RBFOX3: variants seen among roughly 807,000 people sequenced by gnomAD.
The protein encoded by RBFOX3 is RNA binding fox-1 homolog 3.
In RBFOX3, 17 loss-of-function variants were observed where a neutral mutation model predicts 48.7. The observed-to-expected ratio is 0.35, with a 90% CI of 0.24 to 0.52. RBFOX3 has a LOEUF of 0.52. Among genes scored for constraint, RBFOX3 ranks in the 20% least tolerant of loss-of-function variants. The pLI is 0.94. For missense variants in RBFOX3, 382 were observed against 497.5 expected, an observed-to-expected ratio of 0.77 and a Z score of 2.21; for synonymous variants, 212 against 209.5, an observed-to-expected ratio of 1.01 and a Z score of -0.10.
intron 2 of RBFOX3, among the ~76,000 whole-genome samples, chr17:79,378,189 C>T (rs1226188911): frequency 1.3e-5 from 2 of 151,988 alleles, no homozygotes; most frequent in Non-Finnish European, 2.9e-5. Flanking sequence ...TGGAAAGCAC[C>T]GAGCCTCCCC....
At chr17:79,310,935 A>G (rs1207256431) in intron 2 of RBFOX3, among the ~76,000 whole-genome samples, 1 of 152,088 alleles carries the variant, frequency 6.6e-6, no homozygotes, top group East Asian at 1.9e-4. Flanking sequence ...CCTGGGATTC[A>G]GTCCAGCACG....
At chr17:79,549,203 C>G (rs2090876740) in intron 1 of RBFOX3, among the ~76,000 whole-genome samples, 1 of 152,236 alleles carries the variant, frequency 6.6e-6, no homozygotes. Flanking sequence ...TTTCATGAGT[C>G]TCTCTGGGCT....
At position 79,252,030 on chromosome 17, in the gene RBFOX3, T is replaced by C. The variant is rs965848388; in HGVS notation, c.-73-16225A>G. The stretch of plus-strand genomic sequence containing the variant: ...CCTGAGCCAGCCTTGTCTTTCTCCA[T>C]CTCTCAGCAGGGAATGAGTCTGCTG... On this transcript the variant is annotated intron_variant, in intron 3 of 14. Coordinates refer to ENST00000693108, the MANE Select transcript of RBFOX3 (RefSeq NM_001350451.2). This position sits in a 1 kb window ranked among gnomAD's most constrained non-coding sequence, Gnocchi z 4.0. 2.6e-5 allele frequency among the ~76,000 whole-genome samples: 4 copies of C among 152,112 alleles called. No homozygotes were observed. Among genetic ancestry groups the C allele is most frequent in the African/African-American group, 4.8e-5 (2 of 41,422 alleles).
At chr17:79,454,088 G>T (rs1467927150) in intron 2 of RBFOX3, among the ~76,000 whole-genome samples, 2 of 152,074 alleles carry the variant, frequency 1.3e-5, no homozygotes, top group African/African-American at 4.8e-5. Context: ...TGCGCCAGGG[G>T]AGGCAATGCC....
chr17:79,248,152 G>A (rs2063431373), intron 3 of RBFOX3, among the ~76,000 whole-genome samples: 1 of 152,202 alleles, frequency 6.6e-6, no homozygotes, highest in African/African-American at 2.4e-5. Flanking sequence ...AGGAGAGGGA[G>A]GGACGTTTGG....
intron 2 of RBFOX3, among the ~76,000 whole-genome samples, chr17:79,357,276 C>T (rs1038919105): frequency 3.3e-5 from 5 of 152,172 alleles, no homozygotes; most frequent in Middle Eastern, 3.2e-3. Flanking sequence ...TGCCCAAAAA[C>T]GAAACAAAAC....
intron 1 of RBFOX3, among the ~76,000 whole-genome samples, chr17:79,561,643 A>AAGCACCACCC (rs1440617115): frequency 6.6e-6 from 1 of 152,168 alleles, no homozygotes; most frequent in Admixed American, 6.5e-5. Flanking sequence ...CCCTCGAGGC[A>AAGCACCACCC]AGCACCACCC....
At chr17:79,607,131 G>A (rs2093850371) in intron 1 of RBFOX3, among the ~76,000 whole-genome samples, 2 of 152,116 alleles carry the variant, frequency 1.3e-5, no homozygotes, top group Admixed American at 6.5e-5. Context: ...TTATAAAGCC[G>A]GTGCCTTGTG....
At chr17:79,543,159 C>T (rs952386325) in intron 1 of RBFOX3, among the ~76,000 whole-genome samples, 5 of 152,126 alleles carry the variant, frequency 3.3e-5, no homozygotes, top group African/African-American at 1.2e-4. Flanking sequence ...CACTCAGAAC[C>T]GTATCTTTGC....
chr17:79,479,950 G>A lies in RBFOX3; in HGVS notation c.-175+2504C>T, dbSNP rs898295397. On this transcript the variant is annotated intron_variant, in intron 2 of 14. Transcript: ENST00000693108. The surrounding 1 kb of genome is among the most constrained non-coding windows in gnomAD (Gnocchi z 5.1). ...AGAGCATGATCTCAGGGGGTCTCTC[G>A]TCCTGCACTGAGGCCAGCCCCAAAC... 2.6e-5 allele frequency among the ~76,000 whole-genome samples: 4 copies of A among 152,128 alleles called. No individual in the cohort carries two copies. Among genetic ancestry groups the A allele is most frequent in the African/African-American group, 4.8e-5 (2 of 41,416 alleles).
intron 11 of RBFOX3, 36 bp downstream of exon 11, chr17:79,097,256 C>G (rs1214206748): frequency 6.6e-7 from 1 of 1,510,342 alleles, no homozygotes; most frequent in Non-Finnish European, 8.9e-7. Context: ...GCCGTCCTAC[C>G]CCCTCCTCCA....
At chr17:79,608,322 G>A (rs1398158245) in intron 1 of RBFOX3, among the ~76,000 whole-genome samples, 1 of 152,252 alleles carries the variant, frequency 6.6e-6, no homozygotes, top group African/African-American at 2.4e-5. Flanking sequence ...GCCCATCCGA[G>A]TAAGGGGCGG....
chr17:79,482,469 G>A lies in RBFOX3; in HGVS notation c.-190C>T, dbSNP rs1179499645. 6.6e-6 allele frequency: 1 copy of A among 152,262 alleles called. No individual in the cohort carries two copies. Among genetic ancestry groups the A allele is most frequent in the Non-Finnish European group, 1.5e-5 (1 of 68,050 alleles). 9.4% of individuals were successfully genotyped at this position (152,262 alleles called of 1,614,324 possible). ...GCCGCCTTACCTGGTAGTGGGAGGT[G>A]AGGTCTGCTTTGCTGAGCGGGGAGG... On this transcript the variant is annotated 5_prime_UTR_variant, in exon 2 of 15. Coordinates refer to ENST00000693108, the MANE Select transcript of RBFOX3 (RefSeq NM_001350451.2). This position sits in a 1 kb window ranked among gnomAD's most constrained non-coding sequence, Gnocchi z 4.1.
chr17:79,443,934 C>T lies in RBFOX3; in HGVS notation c.-175+38520G>A, dbSNP rs1321114500. On this transcript the variant is annotated intron_variant, in intron 2 of 14. Coordinates refer to ENST00000693108, the MANE Select transcript of RBFOX3 (RefSeq NM_001350451.2). This position sits in a 1 kb window ranked among gnomAD's most constrained non-coding sequence, Gnocchi z 4.4. ...TGACTTACTGGGCTATCCCGAGTGC[C>T]GTGACACTTCATCTCATGGTGCCTG... is the stretch of plus-strand genomic sequence containing the variant. Among the ~76,000 whole-genome samples the T allele has an allele frequency of 1.3e-5, 2 of 152,130 alleles. No homozygotes were observed. The highest frequency in any genetic ancestry group is 2.4e-5 in the African/African-American group (1 of 41,420).
intron 5 of RBFOX3, among the ~76,000 whole-genome samples, chr17:79,114,037 C>T (rs1207724307): frequency 1.3e-5 from 2 of 152,144 alleles, no homozygotes; most frequent in Non-Finnish European, 2.9e-5. Context: ...GGACGAACCC[C>T]TGAGGCTCAC....
chr17:79,474,304 T>G (rs1053182447), intron 2 of RBFOX3, among the ~76,000 whole-genome samples: 44 of 152,320 alleles, frequency 2.9e-4, no homozygotes, highest in African/African-American at 1.0e-3. Context: ...TGGAACCTTC[T>G]CATGTTTCTC....
chr17:79,158,510 G>A (rs2046301588), intron 4 of RBFOX3, among the ~76,000 whole-genome samples: 1 of 152,154 alleles, frequency 6.6e-6, no homozygotes, highest in South Asian at 2.1e-4. Flanking sequence ...CGGGGACACT[G>A]GGCACCTTGC....
In RBFOX3 at chr17:79,294,113, C is replaced by G. The variant is rs542582566; in HGVS notation, c.-74+13611G>C. 8.5e-5 allele frequency among the ~76,000 whole-genome samples: 13 copies of G among 152,310 alleles called. 2 individuals are homozygous for G. The South Asian group carries it at 2.7e-3, about 32-fold the overall frequency. On this transcript the variant is annotated intron_variant, in intron 3 of 14. Coordinates refer to ENST00000693108, the MANE Select transcript of RBFOX3 (RefSeq NM_001350451.2). ...TCTTCAACTGGGGCCACCTGCTTGC[C>G]TTACAGAGTCAGAAAAGCAAAGTGA...
At chr17:79,268,433 C>T (rs999480171) in intron 3 of RBFOX3, among the ~76,000 whole-genome samples, 1 of 152,172 alleles carries the variant, frequency 6.6e-6, no homozygotes, top group Non-Finnish European at 1.5e-5. Context: ...TCAGCCCCTT[C>T]CTCCAAGACA....
Sources: gnomAD v4.1 joint callset for allele counts (sites outside exome capture counted in the v4.1 genomes callset) on GRCh38, gnomAD v4.1.1 for gene constraint, Gnocchi (gnomAD v3.1) non-coding constraint, MANE v1.5 for transcripts, NCBI Gene and HGNC (gene_info 2026-07-23, HGNC 2026-07-21) for gene names.